The following TTC34 variants were observed in gnomAD, a reference collection of about 807,000 sequenced individuals.
TTC34 encodes the protein tetratricopeptide repeat domain 34, also known as tetratricopeptide repeat protein 34.
TTC34 carries 44 observed loss-of-function variants against 40.7 expected under a neutral mutation model. The ratio of observed to expected loss-of-function variants is 1.08; its 90% confidence interval spans 0.85 to 1.39. TTC34 has a LOEUF of 1.39. Ranked by LOEUF, TTC34 falls within the 40% of genes most tolerant of loss-of-function variation. The pLI is 0.00. For synonymous variants in TTC34, 422 were observed against 398.6 expected, an observed-to-expected ratio of 1.06 and a Z score of -0.70; for missense variants, 884 against 838.0, an observed-to-expected ratio of 1.05 and a Z score of -0.68.
chr1:2,775,710 TC>T (rs1643086047), intron 6 of TTC34: 1 of 145,830 alleles, frequency 6.9e-6, no homozygotes, highest in Admixed American at 6.7e-5. Flanking sequence ...GCAACCCACA[TC>T]CCCAGGTAAG....
intron 6 of TTC34, among the ~76,000 whole-genome samples, chr1:2,699,310 CGCATGGAGCAGCAGCCACAACT>C (rs1557631897): frequency 3.3e-4 from 32 of 98,344 alleles, no homozygotes; most frequent in Admixed American, 5.6e-4. Context: ...AGCATCTGAC[CGCATGGAGCAGCAGCCACAACT>C]CCAGGCGAGC....
exon 3 of TTC34, chr1:2,790,210 G>A: frequency 5.0e-6 from 2 of 398,402 alleles, no homozygotes; most frequent in East Asian, 3.6e-5. Context: ...CAGAGAACAC[G>A]GCCTGGAACT....
At chr1:2,752,196 A>G (rs1641341743) in intron 6 of TTC34, among the ~76,000 whole-genome samples, 1 of 119,886 alleles carries the variant, frequency 8.3e-6, no homozygotes, top group African/African-American at 3.7e-5. Context: ...GACAGCCTGG[A>G]ACAGAACCCA....
intron 6 of TTC34, among the ~76,000 whole-genome samples, chr1:2,756,750 C>G (rs1641520532): frequency 1.2e-4 from 12 of 97,538 alleles, no homozygotes; most frequent in South Asian, 4.0e-4. Context: ...CGCACACCCC[C>G]AGTTGAGCAT....
rs1249162822 is a variant in TTC34, at chr1:2,755,904, C to A, written c.2226+27705G>T. On this transcript the variant is annotated intron_variant, in intron 6 of 8. Transcript: ENST00000401095. ...TGACATCCTTGAGCAGCACCCACAC[C>A]CCCAGGTGAGCATCTGACAGCCTGG... Among the ~76,000 whole-genome samples, 3 of 80,638 alleles carry A rather than the reference C, an allele frequency of 3.7e-5. 1 individual carries two copies. Among genetic ancestry groups the A allele is most frequent in the Admixed American group, 2.3e-4 (2 of 8,818 alleles). The allele number at this position is 80,638 out of a possible 152,430, so 52.9% of individuals were successfully genotyped here.
intron 6 of TTC34, among the ~76,000 whole-genome samples, chr1:2,690,459 A>ACCCC (rs1640566742): frequency 9.4e-6 from 1 of 105,852 alleles, no homozygotes; most frequent in Non-Finnish European, 2.0e-5. Flanking sequence ...AGCACCCACA[A>ACCCC]CCACAGGTGA....
At chr1:2,794,742 G>GT (rs1318149906) in intron 2 of TTC34, among the ~76,000 whole-genome samples, 2 of 152,100 alleles carry the variant, frequency 1.3e-5, no homozygotes, top group Admixed American at 6.6e-5. Flanking sequence ...GTTTGGGATA[G>GT]ATATTATCTT....
chr1:2,761,647 G>A (rs1375650425), intron 6 of TTC34, among the ~76,000 whole-genome samples: 2 of 68,934 alleles, frequency 2.9e-5, no homozygotes, highest in Non-Finnish European at 4.9e-5. Flanking sequence ...CAAGACCACT[G>A]CTCCCAGGTG....
chr1:2,750,125 C>T (rs1406988583), intron 6 of TTC34, among the ~76,000 whole-genome samples: 2 of 84,518 alleles, frequency 2.4e-5, no homozygotes, highest in East Asian at 4.4e-4. Flanking sequence ...CACCCACACA[C>T]CCAGGTGAGC....
intron 6 of TTC34, among the ~76,000 whole-genome samples, chr1:2,646,895 A>T (rs1387320550): frequency 6.6e-6 from 1 of 152,168 alleles, no homozygotes; most frequent in Non-Finnish European, 1.5e-5. Context: ...CGGGTCTTTA[A>T]TGTCACCCTC....
intron 6 of TTC34, among the ~76,000 whole-genome samples, chr1:2,683,788 G>A (rs9442451): frequency 7.5e-5 from 2 of 26,774 alleles, no homozygotes; most frequent in African/African-American, 1.6e-4. Context: ...GGAGCAGCAC[G>A]CACACCCCCA....
intron 6 of TTC34, among the ~76,000 whole-genome samples, chr1:2,762,043 G>A (rs1335059886): frequency 9.7e-5 from 3 of 30,922 alleles, no homozygotes; most frequent in African/African-American, 7.2e-4. Context: ...CTGGAGCAGC[G>A]CCCACACCCC....
chr1:2,755,783 C>A (rs1297457483), intron 6 of TTC34, among the ~76,000 whole-genome samples: 56 of 106,082 alleles, frequency 5.3e-4, no homozygotes, highest in African/African-American at 1.0e-3. Flanking sequence ...GGCACCCACA[C>A]CCCCAGGTGA....
intron 6 of TTC34, among the ~76,000 whole-genome samples, chr1:2,779,631 T>C (rs1313659666): frequency 6.6e-6 from 1 of 152,194 alleles, no homozygotes; most frequent in East Asian, 1.9e-4. Flanking sequence ...CTGGTAGTTC[T>C]ATTTTTAGCT....
rs1464539167 is a variant in TTC34 at position 2,751,528 on chromosome 1, C to T, written c.2226+32081G>A. 6.4e-5 allele frequency among the ~76,000 whole-genome samples: 7 copies of T among 109,194 alleles called. 1 individual carries two copies. The highest frequency in any genetic ancestry group is 2.5e-4 in the African/African-American group (6 of 24,236). 71.6% of individuals were successfully genotyped at this position (109,194 alleles called of 152,430 possible). On this transcript the variant is annotated intron_variant, in intron 6 of 8. Coordinates refer to ENST00000401095, the Ensembl canonical transcript of TTC34. Reference sequence around the variant, plus strand: ...GACAGCCTTGAACAGCACCCTGCACCCCCAGGTGAGCATCTGACAGCCTGC... The same window carrying T: ...GACAGCCTTGAACAGCACCCTGCACTCCCAGGTGAGCATCTGACAGCCTGC...
Position 2,657,446 on chromosome 1 carries a change from G to A in TTC34, c.2227-11883C>T, listed in dbSNP as rs1408947771. ...CCCCAGGCGAGCATCTGAACTCATG[G>A]AGCAGCACCCACGCCCCCAGGCGAG... On this transcript the variant is annotated intron_variant, in intron 6 of 8. Transcript: ENST00000401095. Among the ~76,000 whole-genome samples, 13 of 88,716 alleles carry A rather than the reference G, an allele frequency of 1.5e-4. 1 individual carries two copies. The highest frequency in any genetic ancestry group is 2.1e-4 in the Admixed American group (2 of 9,502). The allele number at this position is 88,716 out of a possible 152,430, so 58.2% of individuals were successfully genotyped here.
In TTC34 at chr1:2,683,639, G is replaced by T. The variant is rs866799474; in HGVS notation, c.2227-38076C>A. 5.3e-5 allele frequency among the ~76,000 whole-genome samples: 8 copies of T among 149,704 alleles called. No homozygotes were observed. The South Asian group carries it at 1.0e-3, about 20-fold the overall frequency. Reference sequence around the variant, plus strand: ...CCTTCAGCAGCACCCACACCCCCAGGTGAGCATCTGACAGCCTGGAGCAGC... The same window carrying T: ...CCTTCAGCAGCACCCACACCCCCAGTTGAGCATCTGACAGCCTGGAGCAGC... On this transcript the variant is annotated intron_variant, in intron 6 of 8. Transcript: ENST00000401095.
At chr1:2,699,976 A>C (rs1263757777) in intron 6 of TTC34, among the ~76,000 whole-genome samples, 35 of 49,860 alleles carry the variant, frequency 7.0e-4, no homozygotes, top group Non-Finnish European at 7.0e-4. Context: ...CTCACACCCC[A>C]AGGTGAGCAT....
At chr1:2,683,419 A>G (rs1288280012) in intron 6 of TTC34, among the ~76,000 whole-genome samples, 30 of 132,838 alleles carry the variant, frequency 2.3e-4, no homozygotes, top group Admixed American at 3.0e-4. Flanking sequence ...ATAGCCTGGA[A>G]CACCACCCTT....
Sources: allele counts gnomAD v4.1 joint callset (sites outside exome capture counted in the v4.1 genomes callset), GRCh38; gene constraint gnomAD v4.1.1; transcripts MANE v1.5; gene names NCBI Gene and HGNC (gene_info 2026-07-23, HGNC 2026-07-21).